The following CLSPN variants were observed in gnomAD, a reference collection of about 807,000 sequenced individuals.
CLSPN encodes claspin homolog.
In CLSPN, 85 loss-of-function variants were observed where a neutral mutation model predicts 156.3. The ratio of observed to expected loss-of-function variants is 0.54; its 90% confidence interval spans 0.46 to 0.65. The LOEUF (loss-of-function observed/expected upper bound fraction) is 0.65. CLSPN is among the 30% of genes least tolerant of loss of function. CLSPN has a pLI of 0.00. For synonymous variants in CLSPN, 534 were observed against 542.4 expected (o/e 0.98, Z 0.22); for missense variants, 1,407 against 1,554.9 (o/e 0.90, Z 1.60).
intron 24 of CLSPN, among the ~76,000 whole-genome samples, chr1:35,726,980 C>CCA (rs1040763796): frequency 2.6e-5 from 4 of 152,158 alleles, no homozygotes; most frequent in Non-Finnish European, 5.9e-5. Context: ...GGCTTCAAGC[C>CCA]CACTCCTGGA....
Position 35,746,188 on chromosome 1 carries a change from C to T in CLSPN, c.2854+578G>A, listed in dbSNP as rs900433514. Among the ~76,000 whole-genome samples, 1 of 152,088 alleles carries T rather than the reference C, an allele frequency of 6.6e-6. No homozygotes were observed. Among genetic ancestry groups the T allele is most frequent in the African/African-American group, 2.4e-5 (1 of 41,418 alleles). ...GGCGAACTCCTGAGCTCAGGAAATC[C>T]CCCGCCTTGGCCTCCCAAAGTGCTG... On this transcript the variant is annotated intron_variant, in intron 15 of 24. Coordinates refer to ENST00000318121, the MANE Select transcript of CLSPN (RefSeq NM_022111.4). This position sits in a 1 kb window ranked among gnomAD's most constrained non-coding sequence, Gnocchi z 4.2.
intron 24 of CLSPN, among the ~76,000 whole-genome samples, chr1:35,722,556 T>A (rs532526128): frequency 2.6e-4 from 39 of 150,616 alleles, no homozygotes; most frequent in Admixed American, 7.3e-4. Context: ...GGCCTAAAGC[T>A]AGTTATTCCT....
downstream of CLSPN, among the ~76,000 whole-genome samples, chr1:35,729,735 G>A (rs369470649): frequency 2.3e-4 from 35 of 152,320 alleles, no homozygotes; most frequent in East Asian, 5.2e-3. Flanking sequence ...ATGGAGCTTT[G>A]TTGGGGCTTG....
At chr1:35,747,216 G>C (rs1426739056) in intron 14 of CLSPN, among the ~76,000 whole-genome samples, 1 of 152,120 alleles carries the variant, frequency 6.6e-6, no homozygotes, top group African/African-American at 2.4e-5. Context: ...CAGCTATTCG[G>C]GAGGCTGAGG....
At position 35,734,127 on chromosome 1, in the gene CLSPN, G is replaced by A. The variant is rs1013331783; in HGVS notation, c.*2369C>T. On this transcript the variant is annotated 3_prime_UTR_variant, in exon 25 of 25. Transcript: ENST00000318121. ...CTGAGAAGCCAGTGAGGGGACAATT[G>A]CAGCAGCTTCTCAGTTTAGACCCAG... The A allele has an allele frequency of 3.0e-6, 3 of 985,286 alleles. No individual in the cohort carries two copies. The Admixed American group carries it at 1.8e-4, about 61-fold the overall frequency. 61.0% of individuals were successfully genotyped at this position (985,286 alleles called of 1,614,324 possible). A position where few individuals can be genotyped will look rare whatever the true frequency, so the allele number is the denominator to read the frequency against.
rs1249294650 is a variant in CLSPN, at chr1:35,737,399, C to G, written c.3687G>C (p.Gln1229His). Residue 1229 changes from glutamine (Q) to histidine (H), a missense_variant, in exon 23 of 25, where the codon CAG becomes CAC. Physicochemically the swap from Gln to His is conservative, Grantham distance 24. This residue lies in a region of CLSPN where 241 missense variants were observed against 240.5 expected (regional missense o/e 1.00). Transcript: ENST00000318121. ...GATTTCTGAGCAAAGACTTTGATTC[C>G]TGAATAACCATAGGGCGACTGGCTG... Reference protein sequence around the residue: ...QKNASRPMVIQESKSLLRNPF... With the variant: ...QKNASRPMVIHESKSLLRNPF... 6 of 1,613,822 alleles carry G rather than the reference C, an allele frequency of 3.7e-6. No homozygotes were observed. Among genetic ancestry groups the G allele is most frequent in the Non-Finnish European group, 5.1e-6 (6 of 1,179,910 alleles).
chr1:35,749,583 G>C (rs533814232), intron 11 of CLSPN, 50 bp downstream of exon 11: 1 of 1,613,810 alleles, frequency 6.2e-7, no homozygotes, highest in South Asian at 1.1e-5. Context: ...GTTTTTACAG[G>C]AGGGGCAAAT....
At position 35,734,332 on chromosome 1, in the gene CLSPN, T is replaced by C; in HGVS notation, c.*2164A>G. On this transcript the variant is annotated 3_prime_UTR_variant, in exon 25 of 25. Transcript: ENST00000318121. ...ATACACATTTTCCCCATTATAAGAT[T>C]ACAAGTATACAAACATAAGTATTGT... is the stretch of plus-strand genomic sequence containing the variant. 1.0e-6 allele frequency: 1 copy of C among 985,132 alleles called. No homozygotes were observed. The highest frequency in any genetic ancestry group is 1.2e-6 in the Non-Finnish European group (1 of 829,650). The allele number at this position is 985,132 out of a possible 1,614,324, so 61.0% of individuals were successfully genotyped here.
At chr1:35,740,069 T>A (rs1641639956) in intron 18 of CLSPN, among the ~76,000 whole-genome samples, 1 of 152,220 alleles carries the variant, frequency 6.6e-6, no homozygotes, top group African/African-American at 2.4e-5. Context: ...AAACTCTTAA[T>A]CTCTTTTACA....
In CLSPN at chr1:35,738,001, G is replaced by A; in HGVS notation, c.3655C>T (p.Gln1219Ter). 6.8e-7 allele frequency: 1 copy of A among 1,475,656 alleles called. No individual in the cohort carries two copies. The highest frequency in any genetic ancestry group is 1.4e-5 in the African/African-American group (1 of 70,846). The allele number at this position is 1,475,656 out of a possible 1,614,324, so 91.4% of individuals were successfully genotyped here. A position where few individuals can be genotyped will look rare whatever the true frequency, so the allele number is the denominator to read the frequency against. The change falls in exon 22 of 25, where the codon CAG (glutamine) becomes TAG (stop). Residue 1219 changes from glutamine to a stop codon, truncating the protein, a stop_gained. Coordinates refer to ENST00000318121, the MANE Select transcript of CLSPN (RefSeq NM_022111.4). LOFTEE classifies it high-confidence loss of function. The part of the protein sequence containing the change: ...LAKKVTAKAL[Q>*]KNASRPMVIQ... ...AGAAACAAGAGCTCACCATTCTTCT[G>A]CAGTGCTTTGGCTGTAACTTTCTTG...
At position 35,765,282 on chromosome 1, in the gene CLSPN, T is replaced by C. The variant is rs766380671; in HGVS notation, c.69A>G (p.Glu23=). 6.2e-7 allele frequency: 1 copy of C among 1,613,954 alleles called. No individual in the cohort carries two copies. The highest frequency in any genetic ancestry group is 2.2e-5 in the East Asian group (1 of 44,864). ...GTCCACTATCTGAAGGACTATCTGC[T>C]TCCTCTTGTGAAATGACGTTTGGGT... ...INDPNVISQE[E]ADSPSDSGQG... The change falls in exon 2 of 25, where the codon GAA becomes GAG. Residue 23 remains glutamate, a synonymous_variant. Coordinates refer to ENST00000318121, the MANE Select transcript of CLSPN (RefSeq NM_022111.4).
chr1:35,742,872 T>G (rs1236114761), intron 18 of CLSPN, among the ~76,000 whole-genome samples: 1 of 151,862 alleles, frequency 6.6e-6, no homozygotes, highest in Non-Finnish European at 1.5e-5. Context: ...CTCAGCTTCC[T>G]GAGTAGCTGG....
In CLSPN at chr1:35,738,031, G is replaced by T; in HGVS notation, c.3625C>A (p.Leu1209Met). 6.8e-7 allele frequency: 1 copy of T among 1,471,748 alleles called. No individual in the cohort carries two copies. The highest frequency in any genetic ancestry group is 9.1e-7 in the Non-Finnish European group (1 of 1,099,918). The allele number at this position is 1,471,748 out of a possible 1,614,324, so 91.2% of individuals were successfully genotyped here. A position where few individuals can be genotyped will look rare whatever the true frequency, so the allele number is the denominator to read the frequency against. ...GCTTTGGCTGTAACTTTCTTGGCCA[G>T]TATCATAAACTGACTGTCCTCCCCA... Reference protein sequence around the residue: ...EIGEDSQFMILAKKVTAKALQ... With the variant: ...EIGEDSQFMIMAKKVTAKALQ... Residue 1209 changes from leucine (L) to methionine (M), a missense_variant, in exon 22 of 25, where the codon CTG becomes ATG. Coordinates refer to ENST00000318121, the MANE Select transcript of CLSPN (RefSeq NM_022111.4).
chr1:35,759,247 C>A (rs1642394425), intron 8 of CLSPN, among the ~76,000 whole-genome samples: 1 of 152,182 alleles, frequency 6.6e-6, no homozygotes, highest in African/African-American at 2.4e-5. Context: ...GCAGAAGATA[C>A]CAACTCACAG....
downstream of CLSPN, among the ~76,000 whole-genome samples, chr1:35,728,148 G>C (rs1641236649): frequency 7.1e-6 from 1 of 140,012 alleles, no homozygotes; most frequent in South Asian, 2.3e-4. Flanking sequence ...CAATGCTGCA[G>C]TTTTGGCTCA....
downstream of CLSPN, among the ~76,000 whole-genome samples, chr1:35,729,908 A>G (rs1641275106): frequency 6.6e-6 from 1 of 152,168 alleles, no homozygotes; most frequent in Non-Finnish European, 1.5e-5. Flanking sequence ...CCCATTTTCC[A>G]GTTGAGGAAA....
chr1:35,732,387 G>C lies in CLSPN; in HGVS notation c.*4109C>G. On this transcript the variant is annotated 3_prime_UTR_variant, in exon 25 of 25. Transcript: ENST00000318121. ...AAAAAGTCTCCCAGCCTGAGCATTA[G>C]AAACTCTCAAAGTGAGGAGAAGTTT... 1.0e-6 allele frequency: 1 copy of C among 985,406 alleles called. No homozygotes were observed. The highest frequency in any genetic ancestry group is 1.2e-6 in the Non-Finnish European group (1 of 829,916). The allele number at this position is 985,406 out of a possible 1,614,324, so 61.0% of individuals were successfully genotyped here.
At chr1:35,765,193 T>C (rs755335096) in intron 2 of CLSPN, 25 bp downstream of exon 2, 1 of 1,474,612 alleles carries the variant, frequency 6.8e-7, no homozygotes, top group Non-Finnish European at 9.5e-7. Context: ...AACCTATTCC[T>C]AAAAATAAAA....
intron 4 of CLSPN, 74 bp from the exon 5 acceptor site, chr1:35,762,555 T>C (rs1642519795): frequency 9.3e-7 from 1 of 1,070,446 alleles, no homozygotes; most frequent in African/African-American, 1.6e-5. Flanking sequence ...AAGACTACTT[T>C]TGTAGTCCAA....
Sources: gnomAD v4.1 joint callset for allele counts (sites outside exome capture counted in the v4.1 genomes callset) on GRCh38, gnomAD v4.1.1 for gene constraint, gnomAD v4.1.1 regional missense constraint, Gnocchi (gnomAD v3.1) non-coding constraint, MANE v1.5 for transcripts, NCBI Gene and HGNC (gene_info 2026-07-23, HGNC 2026-07-21) for gene names.